The following HTR1F variants were observed in gnomAD, a reference collection of about 807,000 sequenced individuals.
The protein encoded by HTR1F is 5-hydroxytryptamine receptor 1F.
A neutral mutation model predicts 24.0 loss-of-function variants in HTR1F; 17 were observed. The ratio of observed to expected loss-of-function variants is 0.71; its 90% confidence interval spans 0.48 to 1.06. The LOEUF (loss-of-function observed/expected upper bound fraction) is 1.06. HTR1F is among the 50% of genes least tolerant of loss of function. The pLI, the probability that HTR1F is intolerant of heterozygous loss-of-function variation, is 0.00. For missense variants in HTR1F, 391 were observed against 427.8 expected, an observed-to-expected ratio of 0.91 and a Z score of 0.76; for synonymous variants, 186 against 156.8, an observed-to-expected ratio of 1.19 and a Z score of -1.39.
chr3:87,942,463 C>T (rs898094486), intron 2 of HTR1F, among the ~76,000 whole-genome samples: 1 of 152,074 alleles, frequency 6.6e-6, no homozygotes, highest in African/African-American at 2.4e-5. Context: ...CTGGCGCTTG[C>T]CCCGGGCACC....
chr3:87,993,332 T>C lies in HTR1F; in HGVS notation c.*1482T>C, dbSNP rs901246304. On this transcript the variant is annotated 3_prime_UTR_variant, in exon 3 of 3. Coordinates refer to ENST00000319595, the MANE Select transcript of HTR1F (RefSeq NM_001322209.2). ...TGAGACATATACTAGATAGAAGATATACGAAATAATAAAATACAGTTTTTT... is the reference window on the plus strand; with the variant it reads ...TGAGACATATACTAGATAGAAGATACACGAAATAATAAAATACAGTTTTTT... 21 of 159,734 alleles carry C rather than the reference T, an allele frequency of 1.3e-4. No homozygotes were observed. Among genetic ancestry groups the C allele is most frequent in the African/African-American group, 5.2e-4 (21 of 40,340 alleles). The allele number at this position is 159,734 out of a possible 1,614,324, so 9.9% of individuals were successfully genotyped here.
intron 2 of HTR1F, among the ~76,000 whole-genome samples, chr3:87,833,758 G>A (rs1704628853): frequency 6.6e-6 from 1 of 152,064 alleles, no homozygotes; most frequent in African/African-American, 2.4e-5. Flanking sequence ...TCCTAGCTTG[G>A]CCTCCCAAAC....
chr3:87,918,888 A>T (rs748447893), intron 2 of HTR1F, among the ~76,000 whole-genome samples: 2 of 152,146 alleles, frequency 1.3e-5, no homozygotes, highest in African/African-American at 2.4e-5. Context: ...TAAAATTCAT[A>T]TGGAACCAAC....
intron 2 of HTR1F, among the ~76,000 whole-genome samples, chr3:87,980,036 T>C (rs1297345041): frequency 6.6e-6 from 1 of 152,184 alleles, no homozygotes; most frequent in Non-Finnish European, 1.5e-5. Context: ...TCTTCTCTCC[T>C]CATTGCCCAC....
intron 2 of HTR1F, among the ~76,000 whole-genome samples, chr3:87,850,708 T>A (rs1164331642): frequency 4.6e-5 from 7 of 151,662 alleles, no homozygotes; most frequent in South Asian, 2.1e-4. Flanking sequence ...TATAGAAAAA[T>A]TTATATTTTA....
At chr3:87,831,190 T>A (rs1010942205) in intron 2 of HTR1F, among the ~76,000 whole-genome samples, 1 of 151,904 alleles carries the variant, frequency 6.6e-6, no homozygotes, top group African/African-American at 2.4e-5. Flanking sequence ...AATTTGCTAA[T>A]ATGATGGACA....
intron 2 of HTR1F, among the ~76,000 whole-genome samples, chr3:87,943,598 G>C (rs199859388): frequency 0.011 from 1,228 of 114,030 alleles, no homozygotes; most frequent in African/African-American, 0.019. Context: ...GGGATGCTGG[G>C]GTAGGGAGGT....
At chr3:87,878,469 A>G (rs1217242773) in intron 2 of HTR1F, among the ~76,000 whole-genome samples, 1 of 152,214 alleles carries the variant, frequency 6.6e-6, no homozygotes, top group Non-Finnish European at 1.5e-5. Context: ...ATTTCTGCCT[A>G]TCTTCAAATG....
intron 2 of HTR1F, among the ~76,000 whole-genome samples, chr3:87,947,595 G>A (rs1216565240): frequency 4.6e-5 from 7 of 152,028 alleles, no homozygotes; most frequent in South Asian, 2.1e-4. Flanking sequence ...TCTATAGCAT[G>A]GTATGTAAAG....
At chr3:87,891,118 G>A (rs1319198983) in intron 2 of HTR1F, among the ~76,000 whole-genome samples, 3 of 152,076 alleles carry the variant, frequency 2.0e-5, no homozygotes, top group Non-Finnish European at 4.4e-5. Flanking sequence ...TGGGATTACA[G>A]ACATGAGCCA....
At chr3:87,925,265 G>A (rs973651497) in intron 2 of HTR1F, among the ~76,000 whole-genome samples, 8 of 152,234 alleles carry the variant, frequency 5.3e-5, no homozygotes, top group African/African-American at 1.9e-4. Context: ...CAGATGCTGG[G>A]CAGAACAGTC....
chr3:87,948,488 C>CTT lies in HTR1F; in HGVS notation c.-42-42210_-42-42209dup, dbSNP rs397968379. Among the ~76,000 whole-genome samples, 991 of 147,082 alleles carry CTT rather than the reference C, an allele frequency of 6.7e-3. 4 individuals carry two copies. The highest frequency in any genetic ancestry group is 0.024 in the African/African-American group (962 of 40,064). ...GGCAGCTAGAATTCTTTTTTATATG[C>CTT]TTTTTTTTTTTAAGACAGGACCTCA... On this transcript the variant is annotated intron_variant, in intron 2 of 2. Transcript: ENST00000319595.
chr3:87,961,000 GCACA>G lies in HTR1F; in HGVS notation c.-42-29689_-42-29686del, dbSNP rs536116656. On this transcript the variant is annotated intron_variant, in intron 2 of 2. Transcript: ENST00000319595. ...TCGCAAAAAGTGTACTTGGTATGGT[GCACA>G]CACACACACACACACACATACACAC... 3.3e-3 allele frequency among the ~76,000 whole-genome samples: 479 copies of G among 144,442 alleles called. 4 individuals carry two copies. Among genetic ancestry groups the G allele is most frequent in the African/African-American group, 0.013 (468 of 36,792 alleles). 94.8% of individuals were successfully genotyped at this position (144,442 alleles called of 152,430 possible).
chr3:87,975,323 T>C (rs915585359), intron 2 of HTR1F, among the ~76,000 whole-genome samples: 6 of 152,178 alleles, frequency 3.9e-5, no homozygotes, highest in African/African-American at 1.4e-4. Flanking sequence ...AATCCAAATT[T>C]TGGAATCCAA....
At chr3:87,856,142 A>T (rs1228562587) in intron 2 of HTR1F, among the ~76,000 whole-genome samples, 1 of 152,028 alleles carries the variant, frequency 6.6e-6, no homozygotes. Flanking sequence ...ACAATTTTTC[A>T]ATTTTATTAT....
chr3:87,920,181 A>G (rs1478196560), intron 2 of HTR1F, among the ~76,000 whole-genome samples: 1 of 151,940 alleles, frequency 6.6e-6, no homozygotes, highest in Admixed American at 6.6e-5. Flanking sequence ...ATTCTCACTC[A>G]TAAGTGGGAG....
chr3:87,935,766 T>A (rs1704397391), intron 2 of HTR1F, among the ~76,000 whole-genome samples: 1 of 152,158 alleles, frequency 6.6e-6, no homozygotes, highest in Admixed American at 6.5e-5. Flanking sequence ...AGAAGTTTAT[T>A]TAATGGGCTG....
chr3:87,971,533 T>C (rs1225468842), intron 2 of HTR1F, among the ~76,000 whole-genome samples: 2 of 152,116 alleles, frequency 1.3e-5, no homozygotes, highest in East Asian at 1.9e-4. Context: ...CACTACAGCC[T>C]GGGTGACAGA....
intron 2 of HTR1F, among the ~76,000 whole-genome samples, chr3:87,889,330 T>C (rs895074964): frequency 6.6e-6 from 1 of 152,174 alleles, no homozygotes; most frequent in African/African-American, 2.4e-5. Flanking sequence ...ATTCATAAAA[T>C]TGTGAATGAC....
Sources: allele counts gnomAD v4.1 joint callset (sites outside exome capture counted in the v4.1 genomes callset), GRCh38; gene constraint gnomAD v4.1.1; transcripts MANE v1.5; gene names NCBI Gene and HGNC (gene_info 2026-07-23, HGNC 2026-07-21).